TMEM14B: variants seen among roughly 807,000 people sequenced by gnomAD.
TMEM14B encodes the protein transmembrane protein 14B.
In TMEM14B, 9 loss-of-function variants were observed where a neutral mutation model predicts 14.8. The ratio of observed to expected loss-of-function variants is 0.61; its 90% CI spans 0.37 to 1.06. TMEM14B has a LOEUF of 1.06. TMEM14B is among the 50% of genes least tolerant of loss of function. The probability of loss-of-function intolerance (pLI) is 0.01; values close to 1 mark genes in which losing one functional copy is unlikely to be tolerated. For missense variants in TMEM14B, 128 were observed against 143.6 expected (o/e 0.89, Z 0.56); for synonymous variants, 40 against 51.3 (o/e 0.78, Z 0.94).
chr6:10,748,972 A>C (rs1354082583), intron 1 of TMEM14B, among the ~76,000 whole-genome samples: 2 of 152,200 alleles, frequency 1.3e-5, no homozygotes, highest in African/African-American at 4.8e-5. Context: ...CTGTGGACCT[A>C]TGTGAAATGA....
intron 4 of TMEM14B, among the ~76,000 whole-genome samples, chr6:10,754,388 G>A (rs947211768): frequency 2.0e-4 from 30 of 152,040 alleles, no homozygotes; most frequent in Non-Finnish European, 3.7e-4. Context: ...TCTGTGCCAC[G>A]CTGCCCTTTT....
chr6:10,753,603 TTCTC>T lies in TMEM14B; in HGVS notation c.203-1534_203-1531del, dbSNP rs758827001. On this transcript the variant is annotated intron_variant, in intron 4 of 5. Coordinates refer to ENST00000379542, the MANE Select transcript of TMEM14B (RefSeq NM_030969.5). ...CCACCGATACACAAATGACACAAAT[TTCTC>T]TCTCCTCCAGGCTGGACTCTCATGT... 9.2e-5 allele frequency among the ~76,000 whole-genome samples: 14 copies of T among 151,922 alleles called. 1 individual carries two copies. The highest frequency in any genetic ancestry group is 2.9e-4 in the African/African-American group (12 of 41,262).
At chr6:10,754,868 C>G (rs1351629541) in intron 4 of TMEM14B, among the ~76,000 whole-genome samples, 1 of 152,186 alleles carries the variant, frequency 6.6e-6, no homozygotes, top group Non-Finnish European at 1.5e-5. Flanking sequence ...AAAACTAACA[C>G]ATTGATGGCT....
At chr6:10,749,134 A>T in intron 1 of TMEM14B, 68 bp from the exon 2 acceptor site, 4 of 1,052,252 alleles carry the variant, frequency 3.8e-6, no homozygotes, top group South Asian at 2.6e-5. Flanking sequence ...TGCAGGTTGG[A>T]CACACTTCTT....
At chr6:10,750,198 ATTTCC>A (rs1455132809) in intron 3 of TMEM14B, among the ~76,000 whole-genome samples, 1 of 150,758 alleles carries the variant, frequency 6.6e-6, no homozygotes. Context: ...GCCTGGCCCT[ATTTCC>A]TTCTGCTTTT....
At chr6:10,755,008 C>A in intron 4 of TMEM14B, 134 bp from the exon 5 acceptor site, 1 of 929,502 alleles carries the variant, frequency 1.1e-6, no homozygotes, top group Non-Finnish European at 1.6e-6. Context: ...AGCTAGTAAT[C>A]TCCCCTACTT....
chr6:10,754,228 A>G (rs1296508508), intron 4 of TMEM14B, among the ~76,000 whole-genome samples: 1 of 152,198 alleles, frequency 6.6e-6, no homozygotes, highest in East Asian at 1.9e-4. Flanking sequence ...TCAAAAAATA[A>G]TAATAATAAT....
At chr6:10,755,434 A>G (rs1043990106) in intron 5 of TMEM14B, 8 of 1,465,882 alleles carry the variant, frequency 5.5e-6, no homozygotes, top group Non-Finnish European at 7.2e-6. Flanking sequence ...TTCACTGTGG[A>G]GATGGCTTTG....
intron 5 of TMEM14B, chr6:10,755,800 A>G (rs1771782508): frequency 2.4e-6 from 1 of 412,766 alleles, no homozygotes; most frequent in African/African-American, 2.2e-5. Context: ...TGAAAAATAC[A>G]AAAATTAGGT....
In TMEM14B at chr6:10,755,170, T is replaced by A; in HGVS notation, c.231T>A (p.Val77=). The A allele has an allele frequency of 6.2e-7, 1 of 1,614,124 alleles. No individual in the cohort carries two copies. The highest frequency in any genetic ancestry group is 8.5e-7 in the Non-Finnish European group (1 of 1,180,046). The stretch of plus-strand genomic sequence containing the variant: ...CTACATCTGTTACTTTTGTTGGTGT[T>A]ATGGGAATGAGATCCTACTACTATG... ...LAATSVTFVG[V]MGMRSYYYGK... The change falls in exon 5 of 6, where the codon GTT becomes GTA. Residue 77 remains valine (V), a synonymous_variant. Coordinates refer to ENST00000379542, the MANE Select transcript of TMEM14B (RefSeq NM_030969.5).
At chr6:10,754,357 C>A (rs114300062) in intron 4 of TMEM14B, among the ~76,000 whole-genome samples, 3 of 152,184 alleles carry the variant, frequency 2.0e-5, no homozygotes, top group African/African-American at 7.2e-5. Context: ...GCGCCTCTTA[C>A]TCACAAACTG....
At chr6:10,748,387 A>G (rs1771412534) in intron 1 of TMEM14B, among the ~76,000 whole-genome samples, 1 of 150,868 alleles carries the variant, frequency 6.6e-6, no homozygotes, top group Non-Finnish European at 1.5e-5. Context: ...CTGGGATTAC[A>G]GGTGCATGCC....
intron 4 of TMEM14B, among the ~76,000 whole-genome samples, chr6:10,753,223 C>T (rs776571868): frequency 2.0e-5 from 3 of 152,052 alleles, no homozygotes; most frequent in East Asian, 3.9e-4. Context: ...GCAACAAGAG[C>T]GAAACTCCGT....
rs1206949095 is a variant in TMEM14B at position 10,751,231 on chromosome 6, C to G, written c.199C>G (p.Leu67Val). The change falls in exon 4 of 6, where the codon CTA becomes GTA. Residue 67 changes from leucine to valine, a missense_variant. By Grantham distance (32) the Leu-to-Val change is conservative. Transcript: ENST00000379542. Reference protein sequence around the residue: ...YQDPRNVWGFLAATSVTFVGV... With the variant: ...YQDPRNVWGFVAATSVTFVGV... Reference sequence around the variant, plus strand: ...GGATCCAAGGAACGTTTGGGGTTTCCTAGGTATGTCTGCTTCAGCGTCTCC... The same window carrying G: ...GGATCCAAGGAACGTTTGGGGTTTCGTAGGTATGTCTGCTTCAGCGTCTCC... 2 of 1,613,502 alleles carry G rather than the reference C, an allele frequency of 1.2e-6. No individual in the cohort carries two copies. Among genetic ancestry groups the G allele is most frequent in the African/African-American group, 2.7e-5 (2 of 74,746 alleles).
At chr6:10,755,049 G>A (rs749098318) in intron 4 of TMEM14B, 93 bp from the exon 5 acceptor site, 77 of 1,346,146 alleles carry the variant, frequency 5.7e-5, no homozygotes, top group East Asian at 9.2e-5. Context: ...AGGATGAGGC[G>A]TGAGCCTTGA....
chr6:10,750,173 AT>A (rs200690813), intron 3 of TMEM14B: 658 of 158,102 alleles, frequency 4.2e-3, no homozygotes, highest in South Asian at 0.016. Context: ...CTGATCTTCT[AT>A]TTTTTTTTTA....
intron 5 of TMEM14B, 23 bp from the exon 6 acceptor site, chr6:10,756,444 T>C: frequency 3.7e-6 from 6 of 1,613,286 alleles, no homozygotes; most frequent in Non-Finnish European, 5.1e-6. Flanking sequence ...CCTGATGTTT[T>C]CTATCTTACT....
chr6:10,751,176 A>G lies in TMEM14B; in HGVS notation c.144A>G (p.Leu48=). The G allele has an allele frequency of 1.2e-6, 2 of 1,613,858 alleles. No homozygotes were observed. Among genetic ancestry groups the G allele is most frequent in the Non-Finnish European group, 1.7e-6 (2 of 1,179,958 alleles). The change falls in exon 4 of 6, where the codon CTA becomes CTG. Residue 48 remains leucine, a synonymous_variant. Coordinates refer to ENST00000379542, the MANE Select transcript of TMEM14B (RefSeq NM_030969.5). ...CTGCAGGGCTGCTCTTCGGCAGTCT[A>G]GCCGGCCTGGGTGCTTACCAGCTGT... is the stretch of plus-strand genomic sequence containing the variant. ...SLAAGLLFGS[L]AGLGAYQLYQ...
intron 4 of TMEM14B, among the ~76,000 whole-genome samples, chr6:10,751,450 G>C (rs1033382305): frequency 5.3e-5 from 8 of 152,058 alleles, no homozygotes; most frequent in African/African-American, 1.9e-4. Flanking sequence ...AATATGGAAA[G>C]ATTTCCATAC....
Sources: gnomAD v4.1 joint callset for allele counts (sites outside exome capture counted in the v4.1 genomes callset) on GRCh38, gnomAD v4.1.1 for gene constraint, MANE v1.5 for transcripts, NCBI Gene and HGNC (gene_info 2026-07-23, HGNC 2026-07-21) for gene names.